The following WWOX variants were observed in gnomAD, a reference collection of about 807,000 sequenced individuals.
The protein encoded by WWOX is WW domain containing oxidoreductase.
A neutral mutation model predicts 46.2 loss-of-function variants in WWOX; 69 were observed. The observed-to-expected ratio is 1.49, with a 90% CI of 1.23 to 1.82. WWOX has a LOEUF of 1.82. Ranked by LOEUF, WWOX falls within the 40% of genes most tolerant of loss-of-function variation. The probability of loss-of-function intolerance (pLI) is 0.00; values close to 1 mark genes in which losing one functional copy is unlikely to be tolerated. For synonymous variants in WWOX, 359 were observed against 202.6 expected, an observed-to-expected ratio of 1.77 and a Z score of -6.56; for missense variants, 919 against 542.6, an observed-to-expected ratio of 1.69 and a Z score of -6.89.
chr16:78,286,168 T>G (rs1187603197), intron 5 of WWOX, among the ~76,000 whole-genome samples: 1 of 152,270 alleles, frequency 6.6e-6, no homozygotes, highest in Non-Finnish European at 1.5e-5. Flanking sequence ...TTGTAAAAGC[T>G]GTTGCAATAA....
intron 6 of WWOX, among the ~76,000 whole-genome samples, chr16:78,397,525 G>A (rs567487365): frequency 2.0e-5 from 3 of 152,276 alleles, no homozygotes; most frequent in South Asian, 2.1e-4. Context: ...CTAGAACTTC[G>A]TCCAAAATCT....
intron 8 of WWOX, among the ~76,000 whole-genome samples, chr16:78,584,441 G>T (rs1347232954): frequency 6.6e-6 from 1 of 152,196 alleles, no homozygotes; most frequent in Non-Finnish European, 1.5e-5. Flanking sequence ...ATTTTGTCAT[G>T]AGTAAAACTG....
intron 8 of WWOX, among the ~76,000 whole-genome samples, chr16:78,764,794 T>C (rs984942510): frequency 1.3e-5 from 2 of 151,774 alleles, no homozygotes; most frequent in Admixed American, 6.6e-5. Context: ...TTGAACACGG[T>C]AAACAACTTA....
intron 8 of WWOX, among the ~76,000 whole-genome samples, chr16:79,098,377 A>G (rs775879469): frequency 2.0e-5 from 3 of 152,166 alleles, no homozygotes; most frequent in South Asian, 2.1e-4. Context: ...CCTAGAGTGC[A>G]TTTCTGCTTC....
At chr16:78,632,712 C>A (rs1047717286) in intron 8 of WWOX, among the ~76,000 whole-genome samples, 2 of 151,760 alleles carry the variant, frequency 1.3e-5, no homozygotes, top group African/African-American at 4.8e-5. Flanking sequence ...GTGTGCGCCA[C>A]CACGCCCAGC....
At chr16:78,616,079 A>G (rs2046017164) in intron 8 of WWOX, among the ~76,000 whole-genome samples, 1 of 152,086 alleles carries the variant, frequency 6.6e-6, no homozygotes, top group African/African-American at 2.4e-5. Flanking sequence ...AGATAACATT[A>G]GCTATTCTTC....
chr16:78,331,691 G>A (rs897194555), intron 5 of WWOX, among the ~76,000 whole-genome samples: 7 of 152,196 alleles, frequency 4.6e-5, no homozygotes, highest in African/African-American at 1.4e-4. Flanking sequence ...CAGGGAAAGA[G>A]TTTTGTTATC....
chr16:78,933,111 C>G (rs1313968681), intron 8 of WWOX, among the ~76,000 whole-genome samples: 2 of 152,206 alleles, frequency 1.3e-5, no homozygotes, highest in Admixed American at 6.5e-5. Context: ...TGAGCACCAT[C>G]TCCCATAGGA....
chr16:78,403,345 T>G (rs1289438091), intron 6 of WWOX, among the ~76,000 whole-genome samples: 2 of 152,226 alleles, frequency 1.3e-5, no homozygotes, highest in Non-Finnish European at 2.9e-5. Context: ...ATCTGGTACT[T>G]AAAACTATTC....
intron 5 of WWOX, among the ~76,000 whole-genome samples, chr16:78,229,533 A>AAT (rs1567442783): frequency 1.4e-5 from 2 of 145,520 alleles, no homozygotes; most frequent in Admixed American, 1.4e-4. Flanking sequence ...TATATATATA[A>AAT]AATAATGAAT....
intron 8 of WWOX, among the ~76,000 whole-genome samples, chr16:79,033,908 T>C (rs2047815581): frequency 6.6e-6 from 1 of 152,306 alleles, no homozygotes; most frequent in South Asian, 2.1e-4. Context: ...CAAACAGGCA[T>C]AGCTGGCTGG....
intron 8 of WWOX, among the ~76,000 whole-genome samples, chr16:79,178,752 C>G (rs555651634): frequency 2.0e-5 from 3 of 152,158 alleles, no homozygotes; most frequent in Non-Finnish European, 4.4e-5. Context: ...GAGAATATTA[C>G]CAAAAACGTT....
intron 8 of WWOX, among the ~76,000 whole-genome samples, chr16:79,120,110 T>G (rs1024570526): frequency 3.9e-5 from 6 of 152,208 alleles, no homozygotes; most frequent in Admixed American, 6.5e-5. Flanking sequence ...ATCCTGCCGT[T>G]AATGACCTCC....
At chr16:78,856,775 G>A (rs2052576617) in intron 8 of WWOX, among the ~76,000 whole-genome samples, 1 of 152,070 alleles carries the variant, frequency 6.6e-6, no homozygotes, top group Non-Finnish European at 1.5e-5. Flanking sequence ...ACATATTCAC[G>A]AACATACACA....
At chr16:78,809,211 T>C (rs1176606676) in intron 8 of WWOX, among the ~76,000 whole-genome samples, 1 of 151,664 alleles carries the variant, frequency 6.6e-6, no homozygotes, top group Admixed American at 6.6e-5. Context: ...CTTTAGAGCA[T>C]GTGTCCTATA....
intron 8 of WWOX, among the ~76,000 whole-genome samples, chr16:78,661,013 C>G (rs1460607795): frequency 6.6e-6 from 1 of 152,160 alleles, no homozygotes; most frequent in East Asian, 1.9e-4. Context: ...CCATGTCTTA[C>G]TATTACACAT....
intron 8 of WWOX, among the ~76,000 whole-genome samples, chr16:79,168,585 G>A (rs1428439619): frequency 6.6e-6 from 1 of 152,136 alleles, no homozygotes; most frequent in Non-Finnish European, 1.5e-5. Context: ...GGACAATGGG[G>A]GGCCTAGAAA....
At chr16:78,317,806 A>G (rs556369231) in intron 5 of WWOX, among the ~76,000 whole-genome samples, 1 of 152,138 alleles carries the variant, frequency 6.6e-6, no homozygotes, top group Non-Finnish European at 1.5e-5. Flanking sequence ...ACATCCAAGG[A>G]CTTGGTGGAA....
intron 8 of WWOX, among the ~76,000 whole-genome samples, chr16:79,019,475 A>T (rs778271642): frequency 6.6e-6 from 1 of 152,184 alleles, no homozygotes; most frequent in Non-Finnish European, 1.5e-5. Flanking sequence ...ATAGTACAGT[A>T]AAAATATGAT....
Sources: allele counts gnomAD v4.1 joint callset (sites outside exome capture counted in the v4.1 genomes callset), GRCh38; gene constraint gnomAD v4.1.1; transcripts MANE v1.5; gene names NCBI Gene and HGNC (gene_info 2026-07-23, HGNC 2026-07-21).